GALNT13: variants seen among roughly 807,000 people sequenced by gnomAD.
The protein encoded by GALNT13 is polypeptide N-acetylgalactosaminyltransferase 13, also known as UDP-GalNAc:polypeptide N-acetylgalactosaminyltransferase 13.
In GALNT13, 28 loss-of-function variants were observed where a neutral mutation model predicts 64.2. The observed-to-expected ratio is 0.44, with a 90% confidence interval of 0.32 to 0.60. The LOEUF (loss-of-function observed/expected upper bound fraction) is 0.60, where lower values mean the gene tolerates loss of function less well. Ranked by LOEUF, GALNT13 falls within the 20% of genes least tolerant of loss-of-function variation. The pLI, the probability that GALNT13 is intolerant of heterozygous loss-of-function variation, is 0.05. For missense variants in GALNT13, 577 were observed against 669.8 expected, an observed-to-expected ratio of 0.86 and a Z score of 1.53; for synonymous variants, 214 against 224.6, an observed-to-expected ratio of 0.95 and a Z score of 0.42.
At chr2:153,599,785 G>C in the GALNT13 span, among the ~76,000 whole-genome samples, 1 of 151,860 alleles carries the variant, frequency 6.6e-6, no homozygotes, top group Admixed American at 6.6e-5. Context: ...TCCTAGACTG[G>C]TGTATCTGAA....
At chr2:153,876,136 A>T (rs1014243178) in intron 1 of GALNT13, among the ~76,000 whole-genome samples, 1 of 152,056 alleles carries the variant, frequency 6.6e-6, no homozygotes, top group Non-Finnish European at 1.5e-5. Context: ...CAAGTCCTAC[A>T]TATATATACT....
At chr2:153,618,471 G>A in the GALNT13 span, among the ~76,000 whole-genome samples, 2 of 151,692 alleles carry the variant, frequency 1.3e-5, no homozygotes, top group Admixed American at 6.6e-5. Context: ...TAATCCATCT[G>A]TTGAGGAAAA....
the GALNT13 span, among the ~76,000 whole-genome samples, chr2:153,409,226 G>A: frequency 4.7e-5 from 7 of 149,860 alleles, no homozygotes; most frequent in Non-Finnish European, 7.4e-5. Flanking sequence ...ATCATGGGAC[G>A]TCACCTTGTG....
At chr2:153,226,299 T>G in the GALNT13 span, among the ~76,000 whole-genome samples, 3 of 152,116 alleles carry the variant, frequency 2.0e-5, no homozygotes, top group African/African-American at 7.2e-5. Context: ...AAAGACAGAA[T>G]AGTCAACATA....
At chr2:154,090,484 AT>A (rs1701751243) in intron 3 of GALNT13, among the ~76,000 whole-genome samples, 1 of 152,086 alleles carries the variant, frequency 6.6e-6, no homozygotes, top group Admixed American at 6.6e-5. Context: ...CACAAAAGAA[AT>A]GTCAAACTTG....
At chr2:153,732,822 T>G in the GALNT13 span, among the ~76,000 whole-genome samples, 1 of 152,040 alleles carries the variant, frequency 6.6e-6, no homozygotes, top group African/African-American at 2.4e-5. Context: ...GCCTCTACCG[T>G]AGAGATAGGT....
intron 3 of GALNT13, among the ~76,000 whole-genome samples, chr2:153,964,192 T>A (rs1693161777): frequency 6.6e-6 from 1 of 152,190 alleles, no homozygotes; most frequent in Non-Finnish European, 1.5e-5. Flanking sequence ...CTCATGCCTG[T>A]AATCCCAGCA....
At chr2:154,404,187 T>C (rs1232496597) in intron 10 of GALNT13, among the ~76,000 whole-genome samples, 1 of 152,120 alleles carries the variant, frequency 6.6e-6, no homozygotes, top group Non-Finnish European at 1.5e-5. Flanking sequence ...ATATTACACA[T>C]CCACAAACTA....
intron 11 of GALNT13, among the ~76,000 whole-genome samples, chr2:154,431,236 C>A (rs1700696565): frequency 6.6e-6 from 1 of 152,090 alleles, no homozygotes; most frequent in African/African-American, 2.4e-5. Context: ...CAGAAAGAGA[C>A]AAGATTCAGG....
At chr2:154,358,389 G>A (rs944418170) in intron 9 of GALNT13, among the ~76,000 whole-genome samples, 2 of 151,898 alleles carry the variant, frequency 1.3e-5, no homozygotes, top group African/African-American at 4.8e-5. Flanking sequence ...TAAATGCTCT[G>A]GCTAAACATC....
intron 11 of GALNT13, among the ~76,000 whole-genome samples, chr2:154,413,653 CT>C (rs1375204542): frequency 6.6e-6 from 1 of 151,942 alleles, no homozygotes; most frequent in East Asian, 1.9e-4. Flanking sequence ...CAGTGTTTTC[CT>C]ATCCTAGCAG....
the GALNT13 span, among the ~76,000 whole-genome samples, chr2:153,861,597 G>A: frequency 8.0e-6 from 1 of 124,930 alleles, no homozygotes; most frequent in Admixed American, 9.7e-5. Context: ...AAGGAGTTTC[G>A]CTGTTGTCGC....
chr2:153,502,873 T>G, the GALNT13 span, among the ~76,000 whole-genome samples: 2 of 152,154 alleles, frequency 1.3e-5, no homozygotes, highest in South Asian at 4.1e-4. Context: ...TTTTGGCCAT[T>G]TGTATGTCTT....
the GALNT13 span, among the ~76,000 whole-genome samples, chr2:153,604,227 T>C: frequency 6.6e-6 from 1 of 152,050 alleles, no homozygotes; most frequent in Non-Finnish European, 1.5e-5. Flanking sequence ...ACATTTTGGT[T>C]GATACCAAGG....
At chr2:153,236,418 C>G in the GALNT13 span, among the ~76,000 whole-genome samples, 1 of 152,102 alleles carries the variant, frequency 6.6e-6, no homozygotes. Context: ...AAGTCAGAGA[C>G]TGGCTTCAAA....
chr2:153,284,303 A>G, the GALNT13 span, among the ~76,000 whole-genome samples: 15 of 152,120 alleles, frequency 9.9e-5, no homozygotes, highest in African/African-American at 3.6e-4. Flanking sequence ...CAGGCCTGCA[A>G]TTTGGGAAAG....
At chr2:153,552,439 A>G in the GALNT13 span, among the ~76,000 whole-genome samples, 1 of 152,162 alleles carries the variant, frequency 6.6e-6, no homozygotes, top group African/African-American at 2.4e-5. Flanking sequence ...CAAATGCACA[A>G]TGTGGACATA....
At chr2:153,779,663 A>G in the GALNT13 span, among the ~76,000 whole-genome samples, 1 of 152,310 alleles carries the variant, frequency 6.6e-6, no homozygotes, top group South Asian at 2.1e-4. Flanking sequence ...TAAAAATAAT[A>G]TGGAAGGCAA....
chr2:154,356,831 A>T (rs1383895263), intron 9 of GALNT13, among the ~76,000 whole-genome samples: 1 of 152,046 alleles, frequency 6.6e-6, no homozygotes, highest in African/African-American at 2.4e-5. Flanking sequence ...ACATTAAATA[A>T]ATACTTTGCT....
Sources: allele counts gnomAD v4.1 joint callset (sites outside exome capture counted in the v4.1 genomes callset), GRCh38; gene constraint gnomAD v4.1.1; transcripts MANE v1.5; gene names NCBI Gene and HGNC (gene_info 2026-07-23, HGNC 2026-07-21).